The following KRT23 variants were observed in gnomAD, a reference collection of about 807,000 sequenced individuals.
KRT23 encodes the protein keratin, type I cytoskeletal 23.
In KRT23, 38 loss-of-function variants were observed where a neutral mutation model predicts 47.6. The observed-to-expected ratio is 0.80, with a 90% CI of 0.62 to 1.05. KRT23 has a LOEUF of 1.05. Among genes scored for constraint, KRT23 ranks in the 50% least tolerant of loss-of-function variants. The pLI, the probability that KRT23 is intolerant of heterozygous loss-of-function variation, is 0.00. For synonymous variants in KRT23, 191 were observed against 199.0 expected (o/e 0.96, Z 0.34); for missense variants, 503 against 529.5 (o/e 0.95, Z 0.49).
In KRT23 at chr17:40,935,533, C is replaced by G. The variant is rs901354942; in HGVS notation, c.396+675G>C. On this transcript the variant is annotated intron_variant, in intron 2 of 8. Transcript: ENST00000209718. The stretch of plus-strand genomic sequence containing the variant: ...AACAAGGTCTTTATAGCCATCTCAA[C>G]TCTCAGATTCTAAAAATTATGCTCA... 2.0e-5 allele frequency among the ~76,000 whole-genome samples: 3 copies of G among 152,248 alleles called. No individual in the cohort carries two copies. In the East Asian group the frequency reaches 5.8e-4, roughly 29 times the overall value.
In KRT23 at chr17:40,936,678, T is replaced by G; in HGVS notation, c.-75A>C. The G allele has an allele frequency of 7.2e-7, 1 of 1,387,960 alleles. No homozygotes were observed. Among genetic ancestry groups the G allele is most frequent in the Non-Finnish European group, 9.5e-7 (1 of 1,051,042 alleles). The allele number at this position is 1,387,960 out of a possible 1,614,324, so 86.0% of individuals were successfully genotyped here. On this transcript the variant is annotated 5_prime_UTR_variant, in exon 2 of 9. Transcript: ENST00000209718. ...ACCGCAGAACTGAGCCGCCCCAGAC[T>G]GCCCTGGATGGTTTTATGGCCTTTG...
At chr17:40,933,451 C>A (rs1909832931) in intron 2 of KRT23, among the ~76,000 whole-genome samples, 1 of 152,230 alleles carries the variant, frequency 6.6e-6, no homozygotes, top group African/African-American at 2.4e-5. Context: ...AGCCTGGGGG[C>A]CATTGTGGGG....
At chr17:40,929,906 G>C (rs765303853) in intron 4 of KRT23, 34 bp downstream of exon 4, 2 of 1,604,370 alleles carry the variant, frequency 1.2e-6, no homozygotes, top group South Asian at 1.1e-5. Flanking sequence ...GCTAAGAGCT[G>C]TGCTTATTAG....
At position 40,925,547 on chromosome 17, in the gene KRT23, C is replaced by T. The variant is rs138481901; in HGVS notation, c.949G>A (p.Glu317Lys). 1.5e-4 allele frequency: 250 copies of T among 1,613,730 alleles called. 2 individuals are homozygous for T. The highest frequency in any genetic ancestry group is 1.7e-4 in the Non-Finnish European group (206 of 1,179,866). ...TTGCAGGAGTACCGAGACTGGGTCT[C>T]GGATAACATGTTTTCCAAAGCAGAT... ...TKSALENMLS[E>K]TQSRYSCKLQ... Residue 317 changes from glutamate to lysine, a missense_variant, in exon 7 of 9, where the codon GAG (glutamate) becomes AAG (lysine). Glu to Lys is a moderately conservative substitution (Grantham distance 56, BLOSUM62 1). Transcript: ENST00000209718.
chr17:40,934,841 G>T (rs1165205035), intron 2 of KRT23, among the ~76,000 whole-genome samples: 3 of 152,142 alleles, frequency 2.0e-5, no homozygotes, highest in Non-Finnish European at 4.4e-5. Flanking sequence ...AAAACTCTTG[G>T]ATAGTGTTGA....
At chr17:40,936,062 A>T (rs1293842603) in intron 2 of KRT23, 146 bp downstream of exon 2, 1 of 801,200 alleles carries the variant, frequency 1.2e-6, no homozygotes, top group African/African-American at 1.7e-5. Context: ...ATATAATAAG[A>T]AAACATCCCC....
Position 40,936,674 on chromosome 17 carries a change from A to G in KRT23, c.-71T>C, listed in dbSNP as rs536781892. The G allele has an allele frequency of 1.6e-3, 2,333 of 1,417,218 alleles. 11 individuals are homozygous for G. The highest frequency in any genetic ancestry group is 0.014 in the Middle Eastern group (54 of 3,796). 87.8% of individuals were successfully genotyped at this position (1,417,218 alleles called of 1,614,324 possible). ...TGGCACCGCAGAACTGAGCCGCCCC[A>G]GACTGCCCTGGATGGTTTTATGGCC... On this transcript the variant is annotated 5_prime_UTR_variant, in exon 2 of 9. Transcript: ENST00000209718.
Position 40,922,826 on chromosome 17 carries a change from A to G in KRT23, c.*163T>C, listed in dbSNP as rs1330322245. On this transcript the variant is annotated 3_prime_UTR_variant, in exon 9 of 9. Coordinates refer to ENST00000209718, the MANE Select transcript of KRT23 (RefSeq NM_015515.5). Reference sequence around the variant, plus strand: ...GATTAGAAAAGTGCAATATATTAAGAGCATTATGAGAAGTCTGGTGAGACT... The same window carrying G: ...GATTAGAAAAGTGCAATATATTAAGGGCATTATGAGAAGTCTGGTGAGACT... 3 of 585,146 alleles carry G rather than the reference A, an allele frequency of 5.1e-6. No individual in the cohort carries two copies. Among genetic ancestry groups the G allele is most frequent in the Non-Finnish European group, 9.1e-6 (3 of 328,896 alleles). The allele number at this position is 585,146 out of a possible 1,614,324, so 36.2% of individuals were successfully genotyped here.
intron 7 of KRT23, 166 bp downstream of exon 7, chr17:40,925,188 T>C (rs1202393963): frequency 9.8e-6 from 6 of 614,714 alleles, no homozygotes; most frequent in Admixed American, 8.5e-5. Context: ...TAATTATACT[T>C]GCTGCTTAGT....
intron 6 of KRT23, among the ~76,000 whole-genome samples, chr17:40,926,353 G>A (rs757445113): frequency 2.6e-5 from 4 of 152,264 alleles, no homozygotes; most frequent in South Asian, 2.1e-4. Flanking sequence ...GCTGCCTGGC[G>A]GTTAAAGCAC....
chr17:40,934,978 C>A (rs903338899), intron 2 of KRT23, among the ~76,000 whole-genome samples: 7 of 151,998 alleles, frequency 4.6e-5, no homozygotes, highest in African/African-American at 1.7e-4. Flanking sequence ...TTGACTGGTT[C>A]TAACCTTGTA....
rs772132633 is a variant in KRT23, at chr17:40,936,214, C to G, written c.390G>C (p.Gln130His). 1 of 1,614,008 alleles carries G rather than the reference C, an allele frequency of 6.2e-7. No homozygotes were observed. ...GGGTCACCCAGCATCTTACCTGCTC[C>G]TGCAGGTGTGTGATGTTTTCCTCAT... The part of the protein sequence containing the change: ...SQYEENITHL[Q>H]EQIVDGKMTN... The change falls in exon 2 of 9, where the codon CAG becomes CAC. Residue 130 changes from glutamine to histidine, a missense_variant. By Grantham distance (24) the Gln-to-His change is conservative. Transcript: ENST00000209718.
chr17:40,929,960 T>C lies in KRT23; in HGVS notation c.616A>G (p.Met206Val). 2 of 1,614,162 alleles carry C rather than the reference T, an allele frequency of 1.2e-6. No homozygotes were observed. The highest frequency in any genetic ancestry group is 1.3e-5 in the African/African-American group (1 of 75,056). ...VEGMRKELILMKKHHEQEMEK... is the reference protein window; with the variant it reads ...VEGMRKELILVKKHHEQEMEK... ...TGTACCTGCTCATGGTGCTTCTTCA[T>C]GAGAATGAGCTCTTTCCTCATTCCT... The change falls in exon 4 of 9, where the codon ATG (methionine) becomes GTG (valine). Residue 206 changes from methionine to valine, a missense_variant. Transcript: ENST00000209718.
rs779907993 is a variant in KRT23, at chr17:40,922,717, T to C, written c.*272A>G. The C allele has an allele frequency of 1.3e-5, 4 of 311,822 alleles. No homozygotes were observed. The highest frequency in any genetic ancestry group is 4.4e-5 in the African/African-American group (2 of 45,502). 19.3% of individuals were successfully genotyped at this position (311,822 alleles called of 1,614,324 possible). On this transcript the variant is annotated 3_prime_UTR_variant, in exon 9 of 9. Transcript: ENST00000209718. The stretch of plus-strand genomic sequence containing the variant: ...ACGATGCAGCTAGTGCGGAGTTTTA[T>C]TGGCTACAAAATAGATGCAAAATGA...
intron 2 of KRT23, among the ~76,000 whole-genome samples, chr17:40,934,615 T>G (rs1310251718): frequency 6.6e-6 from 1 of 152,206 alleles, no homozygotes; most frequent in African/African-American, 2.4e-5. Flanking sequence ...ATTATCTTTA[T>G]TCATACTAAG....
intron 4 of KRT23, among the ~76,000 whole-genome samples, chr17:40,928,883 T>G (rs1909425311): frequency 6.6e-6 from 1 of 151,950 alleles, no homozygotes; most frequent in African/African-American, 2.4e-5. Flanking sequence ...AAAAATTAAC[T>G]GGGTGTGGTT....
intron 6 of KRT23, among the ~76,000 whole-genome samples, chr17:40,926,163 T>A (rs1469095360): frequency 6.6e-6 from 1 of 152,208 alleles, no homozygotes; most frequent in Admixed American, 6.5e-5. Context: ...GAGGAAATTC[T>A]AACAGCTGCC....
At position 40,922,993 on chromosome 17, in the gene KRT23, G is replaced by T. The variant is rs759069821; in HGVS notation, c.1265C>A (p.Ala422Glu). The T allele has an allele frequency of 9.9e-6, 16 of 1,611,486 alleles. No individual in the cohort carries two copies. The highest frequency in any genetic ancestry group is 1.4e-5 in the Non-Finnish European group (16 of 1,177,626). ...LCQVNEIQKHA is the reference protein window; with the variant it reads ...LCQVNEIQKHE ...AGGCGGAAACTTTCATTGGTCTCAT[G>T]CGTGCTTTTGGATTTCATTCACTTG... The change falls in exon 9 of 9, where the codon GCA becomes GAA. Residue 422 changes from alanine (A) to glutamate (E), a missense_variant. Coordinates refer to ENST00000209718, the MANE Select transcript of KRT23 (RefSeq NM_015515.5).
In KRT23 at chr17:40,922,939, T is replaced by C; in HGVS notation, c.*50A>G. 2 of 1,378,766 alleles carry C rather than the reference T, an allele frequency of 1.5e-6. No homozygotes were observed. The highest frequency in any genetic ancestry group is 2.3e-5 in the South Asian group (2 of 85,904). The allele number at this position is 1,378,766 out of a possible 1,614,324, so 85.4% of individuals were successfully genotyped here. ...CACTCACTGGTGTCTGTGCAAGGAC[T>C]TTCCTTGGGGGAAAATAGATTTTAC... On this transcript the variant is annotated 3_prime_UTR_variant, in exon 9 of 9. Transcript: ENST00000209718.
Sources: allele counts gnomAD v4.1 joint callset (sites outside exome capture counted in the v4.1 genomes callset), GRCh38; gene constraint gnomAD v4.1.1; transcripts MANE v1.5; gene names NCBI Gene and HGNC (gene_info 2026-07-23, HGNC 2026-07-21).